The following NME7 variants were observed in gnomAD, a reference collection of about 807,000 sequenced individuals.
NME7 encodes the protein nucleoside diphosphate kinase 7.
NME7 carries 41 observed loss-of-function variants against 49.1 expected under a neutral mutation model. That is an observed-to-expected ratio of 0.83 (90% confidence interval 0.65 to 1.08). The LOEUF (loss-of-function observed/expected upper bound fraction) is 1.08, where lower values mean the gene tolerates loss of function less well. NME7 is among the 50% of genes least tolerant of loss of function. NME7 has a pLI of 0.00. For missense variants in NME7, 423 were observed against 463.4 expected (o/e 0.91, Z 0.80); for synonymous variants, 139 against 150.6 (o/e 0.92, Z 0.56).
intron 11 of NME7, among the ~76,000 whole-genome samples, chr1:169,144,928 A>G (rs1027273096): frequency 1.3e-4 from 20 of 152,148 alleles, no homozygotes; most frequent in African/African-American, 4.8e-4. Flanking sequence ...CATCATGTAA[A>G]CACTAGAACA....
intron 10 of NME7, among the ~76,000 whole-genome samples, chr1:169,227,352 T>A (rs1408715990): frequency 1.3e-5 from 2 of 152,160 alleles, no homozygotes; most frequent in East Asian, 1.9e-4. Context: ...AAGTTCTAAT[T>A]CCTTACAATT....
intron 9 of NME7, among the ~76,000 whole-genome samples, chr1:169,234,187 A>C (rs1051511773): frequency 9.9e-5 from 15 of 152,218 alleles, no homozygotes; most frequent in African/African-American, 3.6e-4. Context: ...AAACAAAAAA[A>C]CAACCTTTCT....
At position 169,366,975 on chromosome 1, in the gene NME7, G is replaced by A. The variant is rs150270705; in HGVS notation, c.3+733C>T. On this transcript the variant is annotated intron_variant, in intron 1 of 11. Transcript: ENST00000367811. Reference sequence around the variant, plus strand: ...AGTGCTTAAAAGATATGGTAGTTAAGTGAATTAACTAGAACCCTCTCAAAC... The same window carrying A: ...AGTGCTTAAAAGATATGGTAGTTAAATGAATTAACTAGAACCCTCTCAAAC... Among the ~76,000 whole-genome samples, 801 of 152,242 alleles carry A rather than the reference G, an allele frequency of 5.3e-3. 32 individuals carry two copies. Among genetic ancestry groups the A allele is most frequent in the Admixed American group, 0.047 (714 of 15,282 alleles).
At chr1:169,256,900 T>C (rs1397915793) in intron 7 of NME7, among the ~76,000 whole-genome samples, 1 of 131,392 alleles carries the variant, frequency 7.6e-6, no homozygotes, top group Non-Finnish European at 1.8e-5. Context: ...AGGGACCCAC[T>C]TGAGGAGGCA....
intron 3 of NME7, among the ~76,000 whole-genome samples, chr1:169,321,951 C>T (rs1340182110): frequency 6.6e-6 from 1 of 151,438 alleles, no homozygotes; most frequent in Non-Finnish European, 1.5e-5. Flanking sequence ...AAAAAAAACT[C>T]CCCAAACCAT....
Position 169,256,926 on chromosome 1 carries a change from G to C in NME7, c.755-19239C>G, listed in dbSNP as rs1218967186. ...TGAGGAGGCAGTCTGCCCATTCTCA[G>C]ATCTCCAGCTGCATGCTGGGAGAAC... On this transcript the variant is annotated intron_variant, in intron 7 of 11. Transcript: ENST00000367811. Among the ~76,000 whole-genome samples, 19 of 129,838 alleles carry C rather than the reference G, an allele frequency of 1.5e-4. 2 individuals are homozygous for C. The highest frequency in any genetic ancestry group is 4.4e-4 in the African/African-American group (17 of 38,582). 85.2% of individuals were successfully genotyped at this position (129,838 alleles called of 152,430 possible).
At chr1:169,221,240 C>T (rs1212804308) in intron 10 of NME7, among the ~76,000 whole-genome samples, 1 of 152,224 alleles carries the variant, frequency 6.6e-6, no homozygotes, top group Non-Finnish European at 1.5e-5. Context: ...ATAACTTCCA[C>T]TCTTGTCTTT....
intron 3 of NME7, among the ~76,000 whole-genome samples, chr1:169,313,387 C>T (rs918641064): frequency 3.9e-5 from 6 of 152,036 alleles, no homozygotes; most frequent in East Asian, 1.9e-4. Context: ...ATACCACCCC[C>T]GCTTAAGGTG....
At chr1:169,175,011 CTTTT>C (rs1262873246) in intron 10 of NME7, among the ~76,000 whole-genome samples, 1 of 151,696 alleles carries the variant, frequency 6.6e-6, no homozygotes, top group Non-Finnish European at 1.5e-5. Context: ...TATTTTTTAA[CTTTT>C]TTTGACTCTT....
intron 7 of NME7, among the ~76,000 whole-genome samples, chr1:169,248,012 C>A (rs1009789023): frequency 1.3e-5 from 2 of 152,110 alleles, no homozygotes; most frequent in Non-Finnish European, 2.9e-5. Flanking sequence ...AGTGGGATTG[C>A]TGAATCAAAT....
At chr1:169,179,929 C>A (rs1158631280) in intron 10 of NME7, among the ~76,000 whole-genome samples, 1 of 150,732 alleles carries the variant, frequency 6.6e-6, no homozygotes, top group African/African-American at 2.4e-5. Context: ...CACATTTACC[C>A]ATGTAACATG....
chr1:169,196,342 C>A lies in NME7; in HGVS notation c.991-26788G>T, dbSNP rs542632749. On this transcript the variant is annotated intron_variant, in intron 10 of 11. Coordinates refer to ENST00000367811, the MANE Select transcript of NME7 (RefSeq NM_013330.5). The stretch of plus-strand genomic sequence containing the variant: ...ATGTTCAAGGTTATCAATCTTCAGA[C>A]AGGCTTCCTTCTCAAAGCACTCCCC... Among the ~76,000 whole-genome samples, 102 of 152,294 alleles carry A rather than the reference C, an allele frequency of 6.7e-4. 1 individual carries two copies. The highest frequency in any genetic ancestry group is 2.3e-3 in the African/African-American group (94 of 41,574).
chr1:169,208,763 G>A (rs1342912086), intron 10 of NME7, among the ~76,000 whole-genome samples: 1 of 152,006 alleles, frequency 6.6e-6, no homozygotes, highest in African/African-American at 2.4e-5. Context: ...TTAGTAGGAA[G>A]GCTTAAAGGC....
chr1:169,208,664 A>C (rs1660738526), intron 10 of NME7, among the ~76,000 whole-genome samples: 1 of 152,120 alleles, frequency 6.6e-6, no homozygotes, highest in African/African-American at 2.4e-5. Flanking sequence ...TTAATAATTC[A>C]AAGAGCCATT....
chr1:169,341,441 G>A (rs1462731671), intron 1 of NME7, among the ~76,000 whole-genome samples: 1 of 152,232 alleles, frequency 6.6e-6, no homozygotes, highest in Non-Finnish European at 1.5e-5. Flanking sequence ...AGCCCTCATG[G>A]AGAGCCTCTA....
intron 9 of NME7, among the ~76,000 whole-genome samples, chr1:169,232,765 A>T (rs1647687091): frequency 1.3e-5 from 2 of 152,030 alleles, no homozygotes; most frequent in African/African-American, 4.8e-5. Flanking sequence ...TATTAAAGGA[A>T]GTTCTTTAGG....
intron 3 of NME7, chr1:169,310,610 A>T (rs1183299517): frequency 6.6e-6 from 1 of 152,588 alleles, no homozygotes; most frequent in African/African-American, 2.4e-5. Flanking sequence ...TGAATACGTA[A>T]CAACATGCTA....
intron 1 of NME7, among the ~76,000 whole-genome samples, chr1:169,343,426 T>A (rs931634256): frequency 1.2e-4 from 18 of 152,132 alleles, no homozygotes; most frequent in Non-Finnish European, 7.4e-5. Flanking sequence ...AAGGGTTTAT[T>A]TCTAGACTCT....
chr1:169,135,871 C>T (rs1470181072), intron 11 of NME7, among the ~76,000 whole-genome samples: 2 of 152,076 alleles, frequency 1.3e-5, no homozygotes, highest in Non-Finnish European at 2.9e-5. Flanking sequence ...CAGAATTCAG[C>T]TCTTTCATTT....
Sources: allele counts gnomAD v4.1 joint callset (sites outside exome capture counted in the v4.1 genomes callset), GRCh38; gene constraint gnomAD v4.1.1; transcripts MANE v1.5; gene names NCBI Gene and HGNC (gene_info 2026-07-23, HGNC 2026-07-21).